WDR7: variants seen among roughly 807,000 people sequenced by gnomAD.
WDR7 encodes WD repeat domain 7, also known as WD repeat-containing protein 7.
WDR7 carries 46 observed loss-of-function variants against 169.4 expected under a neutral mutation model. That is an observed-to-expected ratio of 0.27 (90% CI 0.21 to 0.35). WDR7 has a LOEUF of 0.35. Ranked by LOEUF, WDR7 falls within the 10% of genes least tolerant of loss-of-function variation. The pLI, the probability that WDR7 is intolerant of heterozygous loss-of-function variation, is 1.00. For missense variants in WDR7, 1,534 were observed against 1,859.3 expected, an observed-to-expected ratio of 0.83 and a Z score of 3.22; for synonymous variants, 612 against 666.8, an observed-to-expected ratio of 0.92 and a Z score of 1.27.
chr18:56,692,551 T>C (rs1032160300), intron 9 of WDR7, among the ~76,000 whole-genome samples: 6 of 151,686 alleles, frequency 4.0e-5, no homozygotes, highest in South Asian at 2.1e-4. Context: ...GTTCTTTCCA[T>C]GAATATTTTG....
downstream of WDR7, chr18:57,030,196 A>T (rs2048431120): frequency 6.6e-6 from 1 of 152,196 alleles, no homozygotes; most frequent in Non-Finnish European, 1.5e-5. Flanking sequence ...CCTCAGGTAA[A>T]GGGTATAATT....
At chr18:56,970,654 T>G (rs1362933126) in intron 26 of WDR7, among the ~76,000 whole-genome samples, 1 of 152,172 alleles carries the variant, frequency 6.6e-6, no homozygotes, top group African/African-American at 2.4e-5. Context: ...TTGTTACAAC[T>G]GATGAACTTA....
chr18:56,952,129 A>C (rs2047192413), intron 25 of WDR7, among the ~76,000 whole-genome samples: 1 of 152,168 alleles, frequency 6.6e-6, no homozygotes, highest in Middle Eastern at 3.2e-3. Flanking sequence ...TGAGAGTGAA[A>C]AGGGCAAATA....
intron 12 of WDR7, among the ~76,000 whole-genome samples, chr18:56,711,710 A>T (rs1246237468): frequency 2.0e-5 from 3 of 151,106 alleles, no homozygotes; most frequent in East Asian, 3.9e-4. Context: ...TTTTTTTTTT[A>T]AATGAAGTTT....
chr18:56,852,808 A>G (rs959767509), intron 20 of WDR7, among the ~76,000 whole-genome samples: 1 of 152,174 alleles, frequency 6.6e-6, no homozygotes, highest in Non-Finnish European at 1.5e-5. Context: ...ATTCATTTGA[A>G]ATAAAAATAT....
At chr18:56,957,615 C>A (rs1375782709) in intron 25 of WDR7, 1 of 152,008 alleles carries the variant, frequency 6.6e-6, no homozygotes, top group Non-Finnish European at 1.5e-5. Context: ...CTCATAATAC[C>A]TCGGTTACTT....
intron 20 of WDR7, among the ~76,000 whole-genome samples, chr18:56,821,633 C>A (rs79075356): frequency 0.016 from 2,274 of 140,060 alleles, 27 homozygotes; most frequent in Non-Finnish European, 0.027. Flanking sequence ...ATCATTATTC[C>A]CCCTGCATAC....
chr18:56,964,852 A>G (rs1409517332), intron 26 of WDR7, among the ~76,000 whole-genome samples: 1 of 152,182 alleles, frequency 6.6e-6, no homozygotes, highest in African/African-American at 2.4e-5. Context: ...AAACAAGGCT[A>G]AATCTCTAAC....
intron 26 of WDR7, among the ~76,000 whole-genome samples, chr18:57,002,471 G>A (rs1047138379): frequency 2.0e-5 from 3 of 152,114 alleles, no homozygotes; most frequent in African/African-American, 7.2e-5. Context: ...ATCCAGGAAA[G>A]TTTTCCACAA....
At chr18:56,866,396 T>G (rs933683284) in intron 20 of WDR7, among the ~76,000 whole-genome samples, 6 of 152,056 alleles carry the variant, frequency 3.9e-5, no homozygotes, top group African/African-American at 1.4e-4. Context: ...AATTATGTCA[T>G]TATAACAAAT....
intron 26 of WDR7, among the ~76,000 whole-genome samples, chr18:56,996,714 G>A (rs959242940): frequency 1.6e-4 from 24 of 152,308 alleles, no homozygotes; most frequent in African/African-American, 5.8e-4. Context: ...AAGTGGGCAG[G>A]GGAGGCTGCC....
At chr18:56,967,948 GCA>G (rs1264825617) in intron 26 of WDR7, among the ~76,000 whole-genome samples, 4 of 152,168 alleles carry the variant, frequency 2.6e-5, no homozygotes, top group African/African-American at 9.7e-5. Context: ...CACATTAAAT[GCA>G]GATGCAGCCA....
intron 14 of WDR7, among the ~76,000 whole-genome samples, chr18:56,736,966 T>C: frequency 6.6e-6 from 1 of 152,166 alleles, no homozygotes; most frequent in Middle Eastern, 3.2e-3. Context: ...TGTTTCTTTG[T>C]AATTGGTAAT....
chr18:56,794,265 C>A (rs182860070), intron 19 of WDR7, among the ~76,000 whole-genome samples: 1 of 139,454 alleles, frequency 7.2e-6, no homozygotes, highest in African/African-American at 2.6e-5. Context: ...TGCAATATTG[C>A]CTTATCTGTA....
rs191901433 is a variant in WDR7, at chr18:56,991,196, G to A, written c.4164+28667G>A. Among the ~76,000 whole-genome samples, 927 of 142,926 alleles carry A rather than the reference G, an allele frequency of 6.5e-3. 7 individuals carry two copies. Among genetic ancestry groups the A allele is most frequent in the African/African-American group, 0.022 (825 of 37,488 alleles). 93.8% of individuals were successfully genotyped at this position (142,926 alleles called of 152,430 possible). Reference sequence around the variant, plus strand: ...GAGTCTCGCTCTGTCGCCCAGGCTGGAGTGAAGTGGCACGATCGCGGCTCA... The same window carrying A: ...GAGTCTCGCTCTGTCGCCCAGGCTGAAGTGAAGTGGCACGATCGCGGCTCA... On this transcript the variant is annotated intron_variant, in intron 26 of 27. Coordinates refer to ENST00000254442, the MANE Select transcript of WDR7 (RefSeq NM_015285.3).
At chr18:56,961,545 T>C (rs1689681177) in intron 25 of WDR7, among the ~76,000 whole-genome samples, 1 of 152,164 alleles carries the variant, frequency 6.6e-6, no homozygotes, top group African/African-American at 2.4e-5. Context: ...TATTCGCAGA[T>C]ATAAAATTAT....
intron 16 of WDR7, among the ~76,000 whole-genome samples, chr18:56,761,147 C>CTA (rs34028747): frequency 0.088 from 13,339 of 152,178 alleles, 693 homozygotes; most frequent in East Asian, 0.19. Flanking sequence ...GCAAGTGGGA[C>CTA]TATAGGTGCA....
Position 56,757,120 on chromosome 18 carries a change from C to T in WDR7, c.2527C>T (p.His843Tyr). ...VSFGLLSRGG[H>Y]MSLMLPGYNQ... The stretch of plus-strand genomic sequence containing the variant: ...GTTTGGCCTCTTGTCAAGAGGAGGC[C>T]ATATGTCACTGATGCTGCCGGGTTA... Residue 843 changes from histidine (H) to tyrosine (Y), a missense_variant, in exon 15 of 28, where the codon CAT becomes TAT. By Grantham distance (83) the His-to-Tyr change is moderately conservative (BLOSUM62 2). Coordinates refer to ENST00000254442, the MANE Select transcript of WDR7 (RefSeq NM_015285.3). 6.2e-7 allele frequency: 1 copy of T among 1,614,094 alleles called. No individual in the cohort carries two copies. The highest frequency in any genetic ancestry group is 1.1e-5 in the South Asian group (1 of 91,078).
At chr18:56,859,737 C>A (rs1483824985) in intron 20 of WDR7, among the ~76,000 whole-genome samples, 1 of 152,084 alleles carries the variant, frequency 6.6e-6, no homozygotes, top group East Asian at 1.9e-4. Context: ...GTGCAGTGAA[C>A]ATTTGTGACC....
Sources: allele counts gnomAD v4.1 joint callset (sites outside exome capture counted in the v4.1 genomes callset), GRCh38; gene constraint gnomAD v4.1.1; transcripts MANE v1.5; gene names NCBI Gene and HGNC (gene_info 2026-07-23, HGNC 2026-07-21).